The following EPHA6 variants were observed in gnomAD, a reference collection of about 807,000 sequenced individuals.
EPHA6 encodes the protein ephrin type-A receptor 6.
Under a neutral mutation model 112.0 loss-of-function variants are expected in EPHA6, and 50 were observed. The ratio of observed to expected loss-of-function variants is 0.45; its 90% CI spans 0.36 to 0.56. The LOEUF is 0.56. Ranked by LOEUF, EPHA6 falls within the 20% of genes least tolerant of loss-of-function variation. EPHA6 has a pLI of 0.00. For missense variants in EPHA6, 1,280 were observed against 1,417.4 expected, an observed-to-expected ratio of 0.90 and a Z score of 1.56; for synonymous variants, 529 against 490.7, an observed-to-expected ratio of 1.08 and a Z score of -1.03.
intron 1 of EPHA6, among the ~76,000 whole-genome samples, chr3:96,815,401 C>G (rs1167665171): frequency 6.6e-6 from 1 of 152,072 alleles, no homozygotes; most frequent in Non-Finnish European, 1.5e-5. Flanking sequence ...TCCCACATGC[C>G]TTCTTGAAAG....
At chr3:96,955,394 A>G (rs560124128) in intron 2 of EPHA6, among the ~76,000 whole-genome samples, 2 of 152,296 alleles carry the variant, frequency 1.3e-5, no homozygotes, top group Non-Finnish European at 2.9e-5. Context: ...TACTCATGCT[A>G]TAGCTTTTCA....
intron 6 of EPHA6, among the ~76,000 whole-genome samples, chr3:97,418,768 GA>G: frequency 6.6e-6 from 1 of 151,964 alleles, no homozygotes; most frequent in Middle Eastern, 3.4e-3. Context: ...ACATAAATCT[GA>G]AAAAATACAT....
chr3:96,987,552 G>A lies in EPHA6; in HGVS notation c.673G>A (p.Glu225Lys). 1 of 1,613,850 alleles carries A rather than the reference G, an allele frequency of 6.2e-7. No individual in the cohort carries two copies. The highest frequency in any genetic ancestry group is 8.5e-7 in the Non-Finnish European group (1 of 1,179,794). Residue 225 changes from glutamate (E) to lysine (K), a missense_variant, in exon 3 of 18, where the codon GAA becomes AAA. This residue lies in a region of EPHA6 where 878 missense variants were observed against 999.7 expected (regional missense o/e 0.88). Coordinates refer to ENST00000389672, the MANE Select transcript of EPHA6 (RefSeq NM_001080448.3). ...AGAAACATTTAATCTGTTTTATATG[G>A]AATCAGATGAGTCCCACGGAATTAA... ...CKETFNLFYM[E>K]SDESHGIKFK...
At chr3:97,013,228 A>T (rs890663811) in intron 3 of EPHA6, among the ~76,000 whole-genome samples, 5 of 152,138 alleles carry the variant, frequency 3.3e-5, no homozygotes, top group Non-Finnish European at 7.3e-5. Flanking sequence ...TTGTAGTGTG[A>T]GGTCTTATAT....
intron 3 of EPHA6, among the ~76,000 whole-genome samples, chr3:97,173,377 A>G (rs1274105913): frequency 6.6e-6 from 1 of 151,896 alleles, no homozygotes; most frequent in African/African-American, 2.4e-5. Flanking sequence ...TGTGGAAAAA[A>G]TATTTAAAAT....
chr3:97,054,302 G>A (rs2045782608), intron 3 of EPHA6, among the ~76,000 whole-genome samples: 1 of 151,900 alleles, frequency 6.6e-6, no homozygotes, highest in Non-Finnish European at 1.5e-5. Context: ...CTAAAAATAG[G>A]TTTCATATTT....
intron 3 of EPHA6, among the ~76,000 whole-genome samples, chr3:97,123,347 T>A (rs1474121125): frequency 1.3e-5 from 2 of 152,106 alleles, no homozygotes; most frequent in Non-Finnish European, 2.9e-5. Flanking sequence ...TTTTGTTCAT[T>A]GTATATTCAT....
intron 2 of EPHA6, among the ~76,000 whole-genome samples, 194 bp from the exon 3 acceptor site, chr3:96,987,136 C>A (rs2043052308): frequency 6.6e-6 from 1 of 152,156 alleles, no homozygotes. Flanking sequence ...CAAGACAGGA[C>A]AGCTGATTCT....
chr3:97,328,475 AT>A (rs1576985767), intron 5 of EPHA6, among the ~76,000 whole-genome samples: 2 of 152,050 alleles, frequency 1.3e-5, no homozygotes, highest in East Asian at 3.9e-4. Context: ...TCATGTACCT[AT>A]TTACCATCTG....
At chr3:97,131,887 CGG>C (rs2075636928) in intron 3 of EPHA6, among the ~76,000 whole-genome samples, 1 of 152,068 alleles carries the variant, frequency 6.6e-6, no homozygotes, top group Admixed American at 6.6e-5. Context: ...CAACCTTATA[CGG>C]TTTCAATCAT....
At chr3:97,699,698 A>G (rs1052328839) in intron 14 of EPHA6, among the ~76,000 whole-genome samples, 2 of 152,250 alleles carry the variant, frequency 1.3e-5, no homozygotes, top group South Asian at 2.1e-4. Context: ...GAGCAAGAAT[A>G]TAAGGCCTGT....
At chr3:97,398,778 T>G (rs913374061) in intron 5 of EPHA6, among the ~76,000 whole-genome samples, 1 of 151,534 alleles carries the variant, frequency 6.6e-6, no homozygotes, top group African/African-American at 2.4e-5. Context: ...TTATTCCTTG[T>G]CAACATAAAA....
chr3:97,389,680 C>T (rs890739581), intron 5 of EPHA6, among the ~76,000 whole-genome samples: 1 of 152,082 alleles, frequency 6.6e-6, no homozygotes, highest in Admixed American at 6.6e-5. Context: ...TTATATAGCA[C>T]AACATGTTGC....
intron 5 of EPHA6, among the ~76,000 whole-genome samples, chr3:97,286,826 C>T (rs916357136): frequency 4.0e-5 from 6 of 151,262 alleles, no homozygotes; most frequent in African/African-American, 1.2e-4. Flanking sequence ...AGATTGCTTT[C>T]GGTAGTATGG....
At chr3:97,454,553 T>TA (rs2090622583) in intron 7 of EPHA6, among the ~76,000 whole-genome samples, 1 of 151,860 alleles carries the variant, frequency 6.6e-6, no homozygotes, top group Non-Finnish European at 1.5e-5. Context: ...TTGCTTTATT[T>TA]TGGGTAACAA....
At chr3:96,895,313 T>G (rs540029085) in intron 2 of EPHA6, among the ~76,000 whole-genome samples, 84 of 152,176 alleles carry the variant, frequency 5.5e-4, no homozygotes, top group Middle Eastern at 3.4e-3. Flanking sequence ...AGAATAAAGA[T>G]GTAAAGAAAA....
chr3:97,393,023 A>G (rs1170726593), intron 5 of EPHA6, among the ~76,000 whole-genome samples: 1 of 151,808 alleles, frequency 6.6e-6, no homozygotes, highest in African/African-American at 2.4e-5. Flanking sequence ...AAGAATCACT[A>G]GAAACCAGTG....
At chr3:97,466,233 T>C in intron 7 of EPHA6, 2 of 909,790 alleles carry the variant, frequency 2.2e-6, no homozygotes, top group Non-Finnish European at 3.6e-6. Flanking sequence ...CTTGGGAGGC[T>C]GTGTTTATCA....
intron 3 of EPHA6, among the ~76,000 whole-genome samples, chr3:97,148,018 T>A (rs2076084958): frequency 6.6e-6 from 1 of 152,168 alleles, no homozygotes; most frequent in Non-Finnish European, 1.5e-5. Flanking sequence ...CTTTGCATAT[T>A]TTTTGTATAT....
Sources: gnomAD v4.1 joint callset for allele counts (sites outside exome capture counted in the v4.1 genomes callset) on GRCh38, gnomAD v4.1.1 for gene constraint, gnomAD v4.1.1 regional missense constraint, MANE v1.5 for transcripts, NCBI Gene and HGNC (gene_info 2026-07-23, HGNC 2026-07-21) for gene names.